Variants in SCAMP1 observed in about 807,000 individuals in gnomAD.
SCAMP1 encodes secretory carrier membrane protein 1.
In SCAMP1, 15 loss-of-function variants were observed where a neutral mutation model predicts 41.8. That is an observed-to-expected ratio of 0.36 (90% confidence interval 0.24 to 0.55). The LOEUF (loss-of-function observed/expected upper bound fraction) is 0.55. Ranked by LOEUF, SCAMP1 falls within the 20% of genes least tolerant of loss-of-function variation. SCAMP1 has a pLI of 0.86. For missense variants in SCAMP1, 341 were observed against 412.6 expected (o/e 0.83, Z 1.50); for synonymous variants, 135 against 136.8 (o/e 0.99, Z 0.09).
At chr5:78,431,225 C>T (rs562711152) in intron 6 of SCAMP1, among the ~76,000 whole-genome samples, 43 of 151,450 alleles carry the variant, frequency 2.8e-4, no homozygotes, top group Non-Finnish European at 5.6e-4. Flanking sequence ...ATAGCCTGCT[C>T]TTGTTGGGTA....
chr5:78,435,417 G>A lies in SCAMP1; in HGVS notation c.632+13457G>A, dbSNP rs569099417. 2.6e-5 allele frequency among the ~76,000 whole-genome samples: 4 copies of A among 152,066 alleles called. No individual in the cohort carries two copies. The East Asian group carries it at 7.7e-4, about 29-fold the overall frequency. ...AACCCCTCATTGTGTGATGTTCCCC[G>A]CCCTGCGTCCAAGGGTTCTCATTGT... On this transcript the variant is annotated intron_variant, in intron 6 of 8. Coordinates refer to ENST00000621999, the MANE Select transcript of SCAMP1 (RefSeq NM_004866.6).
At chr5:78,452,590 G>T (rs1753266852) in intron 7 of SCAMP1, among the ~76,000 whole-genome samples, 1 of 148,616 alleles carries the variant, frequency 6.7e-6, no homozygotes, top group Non-Finnish European at 1.5e-5. Flanking sequence ...GTCTATCATT[G>T]TTGGACATTT....
intron 1 of SCAMP1, among the ~76,000 whole-genome samples, chr5:78,382,680 C>T (rs1177062042): frequency 1.3e-5 from 2 of 152,098 alleles, no homozygotes; most frequent in African/African-American, 4.8e-5. Context: ...GTTTTCCAGT[C>T]CTCAGTTACT....
chr5:78,439,384 T>C (rs571827933), intron 6 of SCAMP1, among the ~76,000 whole-genome samples: 1 of 149,286 alleles, frequency 6.7e-6, no homozygotes, highest in South Asian at 2.1e-4. Flanking sequence ...AGTGCTTCCT[T>C]CAGGAGCTCT....
At chr5:78,382,917 A>T (rs1751246852) in intron 1 of SCAMP1, among the ~76,000 whole-genome samples, 1 of 152,116 alleles carries the variant, frequency 6.6e-6, no homozygotes, top group African/African-American at 2.4e-5. Context: ...ATGCCTGTGC[A>T]AATATCTTTT....
intron 1 of SCAMP1, among the ~76,000 whole-genome samples, chr5:78,384,360 T>A (rs935521711): frequency 6.6e-6 from 1 of 152,134 alleles, no homozygotes; most frequent in Admixed American, 6.5e-5. Flanking sequence ...TTTGGATGAA[T>A]CTTGAGGGTT....
intron 2 of SCAMP1, among the ~76,000 whole-genome samples, chr5:78,398,198 TG>T (rs1460350092): frequency 1.3e-5 from 2 of 152,120 alleles, no homozygotes; most frequent in African/African-American, 4.8e-5. Context: ...AACTGATGAA[TG>T]GATAAATAAA....
intron 6 of SCAMP1, among the ~76,000 whole-genome samples, chr5:78,447,191 A>T (rs1753071938): frequency 2.0e-5 from 3 of 152,232 alleles, no homozygotes; most frequent in Non-Finnish European, 4.4e-5. Flanking sequence ...GTCTTCCACG[A>T]AACAGGTCCC....
chr5:78,451,817 G>A (rs543805173), intron 7 of SCAMP1, among the ~76,000 whole-genome samples: 2 of 152,258 alleles, frequency 1.3e-5, no homozygotes, highest in Admixed American at 1.3e-4. Flanking sequence ...ACCCAGCCCA[G>A]CTAATTTTTC....
chr5:78,397,182 TA>T (rs1018466311), intron 2 of SCAMP1, among the ~76,000 whole-genome samples: 1 of 152,146 alleles, frequency 6.6e-6, no homozygotes, highest in African/African-American at 2.4e-5. Flanking sequence ...AATAAACACT[TA>T]AATTTATGAT....
intron 4 of SCAMP1, among the ~76,000 whole-genome samples, chr5:78,418,073 GTTTC>G (rs753201044): frequency 3.3e-5 from 5 of 151,546 alleles, no homozygotes; most frequent in Non-Finnish European, 7.4e-5. Flanking sequence ...TTTTAATCTG[GTTTC>G]TTTATGTAGA....
At chr5:78,416,461 A>C in intron 3 of SCAMP1, 80 bp from the exon 4 acceptor site, 1 of 1,003,516 alleles carries the variant, frequency 1.0e-6, no homozygotes, top group Non-Finnish European at 1.5e-6. Flanking sequence ...CTCATAGTAG[A>C]GAAGTAGGAG....
intron 7 of SCAMP1, among the ~76,000 whole-genome samples, chr5:78,458,181 G>A (rs1286542795): frequency 1.3e-5 from 2 of 152,104 alleles, no homozygotes; most frequent in East Asian, 3.9e-4. Flanking sequence ...GACCGGAGCT[G>A]TTCCTATTCG....
At chr5:78,466,318 A>G (rs1580719959) in intron 8 of SCAMP1, among the ~76,000 whole-genome samples, 1 of 152,200 alleles carries the variant, frequency 6.6e-6, no homozygotes, top group Non-Finnish European at 1.5e-5. Context: ...TTTAATGGCC[A>G]TGATAGAGGT....
At chr5:78,361,441 G>C (rs918628969) in intron 1 of SCAMP1, among the ~76,000 whole-genome samples, 1 of 152,102 alleles carries the variant, frequency 6.6e-6, no homozygotes, top group Non-Finnish European at 1.5e-5. Context: ...TAAACGATGG[G>C]ATATTTTCCA....
intron 8 of SCAMP1, among the ~76,000 whole-genome samples, chr5:78,465,367 C>T (rs1170646167): frequency 6.6e-6 from 1 of 152,204 alleles, no homozygotes; most frequent in Non-Finnish European, 1.5e-5. Context: ...CTGAGACAGA[C>T]TTCTGTAACC....
intron 2 of SCAMP1, among the ~76,000 whole-genome samples, chr5:78,411,848 T>C (rs1752084666): frequency 6.6e-6 from 1 of 152,144 alleles, no homozygotes; most frequent in Admixed American, 6.5e-5. Flanking sequence ...AATGCCAAAT[T>C]GTGCTCCAGG....
chr5:78,361,100 G>C (rs914563628), intron 1 of SCAMP1: 1 of 216,292 alleles, frequency 4.6e-6, no homozygotes, highest in African/African-American at 2.3e-5. Flanking sequence ...GCAGGGCCGG[G>C]AGTCGGCGGA....
At position 78,418,915 on chromosome 5, in the gene SCAMP1, A is replaced by G. The variant is rs918318988; in HGVS notation, c.472+12A>G. On this transcript the variant is annotated intron_variant, in intron 5 of 8. Coordinates refer to ENST00000621999, the MANE Select transcript of SCAMP1 (RefSeq NM_004866.6). ...CTACTTGTGGATGTGTGAGTATACA[A>G]CAATTTACATCTTTGCTTAGAATTT... 6.5e-7 allele frequency: 1 copy of G among 1,550,340 alleles called. No individual in the cohort carries two copies. The highest frequency in any genetic ancestry group is 2.1e-5 in the Admixed American group (1 of 48,116).
Sources: allele counts gnomAD v4.1 joint callset (sites outside exome capture counted in the v4.1 genomes callset), GRCh38; gene constraint gnomAD v4.1.1; transcripts MANE v1.5; gene names NCBI Gene and HGNC (gene_info 2026-07-23, HGNC 2026-07-21).